Variants in RASGEF1B observed in about 807,000 individuals in gnomAD.
RASGEF1B encodes ras-GEF domain-containing family member 1B.
Under a neutral mutation model 65.7 loss-of-function variants are expected in RASGEF1B, and 30 were observed. The ratio of observed to expected loss-of-function variants is 0.46; its 90% CI spans 0.34 to 0.62. RASGEF1B has a LOEUF of 0.62. Among genes scored for constraint, RASGEF1B ranks in the 20% least tolerant of loss-of-function variants. RASGEF1B has a pLI of 0.01. For synonymous variants in RASGEF1B, 175 were observed against 194.8 expected (o/e 0.90, Z 0.85); for missense variants, 495 against 580.1 (o/e 0.85, Z 1.51).
intron 1 of RASGEF1B, among the ~76,000 whole-genome samples, chr4:81,467,782 C>T (rs899585774): frequency 2.6e-5 from 4 of 152,052 alleles, no homozygotes; most frequent in Non-Finnish European, 4.4e-5. Context: ...GGTCATAATG[C>T]CTTACATTGT....
intron 10 of RASGEF1B, among the ~76,000 whole-genome samples, chr4:81,435,267 C>A (rs1445056667): frequency 1.3e-5 from 2 of 151,044 alleles, no homozygotes; most frequent in East Asian, 2.0e-4. Context: ...AAAAATTAGC[C>A]AGGTGTGGTG....
intron 10 of RASGEF1B, among the ~76,000 whole-genome samples, chr4:81,435,184 G>A (rs888659983): frequency 5.3e-5 from 8 of 151,894 alleles, no homozygotes; most frequent in Non-Finnish European, 1.0e-4. Flanking sequence ...GGCCAAGGCG[G>A]GTGGATCATG....
At chr4:81,427,846 T>A in intron 13 of RASGEF1B, 54 bp from the exon 14 acceptor site, 1 of 1,560,468 alleles carries the variant, frequency 6.4e-7, no homozygotes, top group Non-Finnish European at 8.8e-7. Flanking sequence ...CTACTTGAAC[T>A]AGGATGAAAA....
intron 1 of RASGEF1B, among the ~76,000 whole-genome samples, chr4:81,464,343 G>C (rs1430443794): frequency 6.6e-6 from 1 of 152,112 alleles, no homozygotes; most frequent in Non-Finnish European, 1.5e-5. Context: ...GTTAAATACT[G>C]GCATTAATTT....
At chr4:81,464,215 C>T (rs1166053976) in intron 1 of RASGEF1B, among the ~76,000 whole-genome samples, 7 of 152,122 alleles carry the variant, frequency 4.6e-5, no homozygotes. Context: ...TGCCATCTGT[C>T]GTTAGTAAAA....
intron 4 of RASGEF1B, among the ~76,000 whole-genome samples, chr4:81,450,560 TTTTG>T (rs1488576974): frequency 1.3e-5 from 2 of 149,880 alleles, no homozygotes; most frequent in Non-Finnish European, 3.0e-5. Context: ...TGTTGATGCC[TTTTG>T]TTTGTTTTTG....
intron 13 of RASGEF1B, among the ~76,000 whole-genome samples, chr4:81,428,054 T>C (rs1326758832): frequency 1.3e-5 from 2 of 152,178 alleles, no homozygotes; most frequent in African/African-American, 4.8e-5. Context: ...AGGTTTATAT[T>C]ATAACAAAAA....
In RASGEF1B at chr4:81,457,540, A is replaced by AT. The variant is rs754468318; in HGVS notation, c.258dup (p.Cys87MetfsTer3). On this transcript the variant is annotated frameshift_variant, in exon 3 of 14. Transcript: ENST00000264400. LOFTEE classifies it high-confidence loss of function. ...TCACTTAGTCTCTGGTGCTCAACAC[A>AT]TAAGTGGCAAACTTTGGCCATTAGC... is the stretch of plus-strand genomic sequence containing the variant. The AT allele has an allele frequency of 6.2e-7, 1 of 1,614,174 alleles. No individual in the cohort carries two copies. Among genetic ancestry groups the AT allele is most frequent in the Non-Finnish European group, 8.5e-7 (1 of 1,180,022 alleles).
chr4:81,429,870 G>A (rs906248968), intron 13 of RASGEF1B, among the ~76,000 whole-genome samples: 11 of 152,034 alleles, frequency 7.2e-5, no homozygotes, highest in Admixed American at 2.0e-4. Context: ...ACCGACATAC[G>A]CCAGCACACT....
At chr4:81,467,031 G>A (rs1000229927) in intron 1 of RASGEF1B, among the ~76,000 whole-genome samples, 6 of 150,760 alleles carry the variant, frequency 4.0e-5, no homozygotes, top group African/African-American at 1.5e-4. Context: ...TCTTTGGTAT[G>A]TGAACAGACA....
intron 1 of RASGEF1B, among the ~76,000 whole-genome samples, chr4:81,468,546 A>G (rs1249723797): frequency 6.6e-6 from 1 of 152,222 alleles, no homozygotes; most frequent in South Asian, 2.1e-4. Context: ...TTAAAAATTT[A>G]GTGGATAGTA....
Position 81,459,464 on chromosome 4 carries a change from A to G in RASGEF1B, c.45T>C (p.Gly15=). The part of the protein sequence containing the change: ...PPFSAMFDSS[G]YNRNLYQSAE... ...CAGACTGATAGAGGTTTCGATTGTA[A>G]CCACTGCTGTCAAACATTGCTGAAA... The change falls in exon 2 of 14, where the codon GGT becomes GGC. Residue 15 remains glycine (G), a synonymous_variant. Transcript: ENST00000264400. 6.2e-7 allele frequency: 1 copy of G among 1,609,882 alleles called. No individual in the cohort carries two copies. The highest frequency in any genetic ancestry group is 1.1e-5 in the South Asian group (1 of 89,954).
rs760105085 is a variant in RASGEF1B at position 81,433,983 on chromosome 4, AG to A, written c.1201-21del. The A allele has an allele frequency of 1.2e-6, 2 of 1,601,674 alleles. No individual in the cohort carries two copies. Among genetic ancestry groups the A allele is most frequent in the Admixed American group, 1.7e-5 (1 of 59,890 alleles). On this transcript the variant is annotated intron_variant, in intron 11 of 13. Transcript: ENST00000264400. ...AAATTTCTGGAAGATAAGTAAAAAAAGAATATAAAGGTGATCATAAAAAAAT... is the reference window on the plus strand; with the variant it reads ...AAATTTCTGGAAGATAAGTAAAAAAAAATATAAAGGTGATCATAAAAAAAT...
chr4:81,464,250 T>A (rs916767694), intron 1 of RASGEF1B, among the ~76,000 whole-genome samples: 1 of 152,150 alleles, frequency 6.6e-6, no homozygotes, highest in Non-Finnish European at 1.5e-5. Flanking sequence ...AATATACCTA[T>A]CAATGGGGAC....
At chr4:81,435,291 G>A (rs1194882133) in intron 10 of RASGEF1B, among the ~76,000 whole-genome samples, 1 of 150,768 alleles carries the variant, frequency 6.6e-6, no homozygotes. Context: ...GGCGCCTGTA[G>A]TCCCAGCTAC....
In RASGEF1B at chr4:81,427,777, G is replaced by A; in HGVS notation, c.1413C>T (p.Gly471=). 1 of 1,613,992 alleles carries A rather than the reference G, an allele frequency of 6.2e-7. No individual in the cohort carries two copies. The highest frequency in any genetic ancestry group is 8.5e-7 in the Non-Finnish European group (1 of 1,180,002). ...RWKSLRSSLL[G]RV ...AGGCAGCTCCCATGTGTTAAACTCTGCCTAAGAGGCTCGACCTGAGTAATA... is the reference window on the plus strand; with the variant it reads ...AGGCAGCTCCCATGTGTTAAACTCTACCTAAGAGGCTCGACCTGAGTAATA... Residue 471 remains glycine (G), a synonymous_variant, in exon 14 of 14, where the codon GGC becomes GGT. Transcript: ENST00000264400.
At chr4:81,467,467 T>G (rs888585012) in intron 1 of RASGEF1B, among the ~76,000 whole-genome samples, 8 of 152,218 alleles carry the variant, frequency 5.3e-5, no homozygotes, top group Admixed American at 5.2e-4. Flanking sequence ...AAATCTTTAC[T>G]GTGTGGGAAC....
chr4:81,449,469 G>T (rs1324314290), intron 4 of RASGEF1B, among the ~76,000 whole-genome samples: 1 of 152,222 alleles, frequency 6.6e-6, no homozygotes, highest in African/African-American at 2.4e-5. Context: ...ATAAGTTGCA[G>T]AGTCCATTCA....
intron 3 of RASGEF1B, 66 bp downstream of exon 3, chr4:81,457,433 C>A: frequency 1.3e-6 from 2 of 1,572,636 alleles, no homozygotes; most frequent in Non-Finnish European, 1.7e-6. Flanking sequence ...CTTAAGGAAC[C>A]AACTTCACAA....
Sources: gnomAD v4.1 joint callset for allele counts (sites outside exome capture counted in the v4.1 genomes callset) on GRCh38, gnomAD v4.1.1 for gene constraint, MANE v1.5 for transcripts, NCBI Gene and HGNC (gene_info 2026-07-23, HGNC 2026-07-21) for gene names.